Variants in MRPL43 observed in about 807,000 individuals in gnomAD.
MRPL43 encodes the protein large ribosomal subunit protein mL43.
In MRPL43, 9 loss-of-function variants were observed where a neutral mutation model predicts 12.7. That is an observed-to-expected ratio of 0.71 (90% CI 0.43 to 1.24). The LOEUF (loss-of-function observed/expected upper bound fraction) is 1.24, where lower values mean the gene tolerates loss of function less well. Ranked by LOEUF, MRPL43 falls within the 50% of genes most tolerant of loss-of-function variation. The probability of loss-of-function intolerance (pLI) is 0.00; values close to 1 mark genes in which losing one functional copy is unlikely to be tolerated. For synonymous variants in MRPL43, 116 were observed against 96.4 expected (o/e 1.20, Z -1.19); for missense variants, 211 against 229.2 (o/e 0.92, Z 0.51).
downstream of MRPL43, chr10:100,980,545 T>A (rs1325217375): frequency 6.4e-7 from 1 of 1,558,986 alleles, no homozygotes; most frequent in South Asian, 1.1e-5. Context: ...GATCCCATAG[T>A]TGGGGTCTAA....
At chr10:100,978,670 G>A, downstream of MRPL43, 1 of 1,596,050 alleles carries the variant, frequency 6.3e-7, no homozygotes, top group Non-Finnish European at 8.6e-7. Flanking sequence ...GGATGATGGG[G>A]GGTAGGGGAC....
chr10:100,987,041 G>A (rs1040472865), intron 2 of MRPL43, 49 bp downstream of exon 2: 22 of 1,608,320 alleles, frequency 1.4e-5, no homozygotes, highest in South Asian at 4.4e-5. Context: ...GGAGGATAGC[G>A]GGTCGAGCCC....
downstream of MRPL43, chr10:100,981,540 A>G (rs1851074995): frequency 1.9e-6 from 3 of 1,614,016 alleles, no homozygotes; most frequent in Non-Finnish European, 2.5e-6. Flanking sequence ...GACTGAACTG[A>G]TATCTGAAGA....
chr10:100,986,853 T>C lies in MRPL43; in HGVS notation c.361A>G (p.Thr121Ala), dbSNP rs1460394214. The C allele has an allele frequency of 6.2e-7, 1 of 1,613,626 alleles. No homozygotes were observed. Among genetic ancestry groups the C allele is most frequent in the East Asian group, 2.2e-5 (1 of 44,874 alleles). The change falls in exon 3 of 3, where the codon ACC becomes GCC. Residue 121 changes from threonine to alanine, a missense_variant. Physicochemically the swap from Thr to Ala is moderately conservative, Grantham distance 58. Coordinates refer to ENST00000318364, the MANE Select transcript of MRPL43 (RefSeq NM_032112.3). The part of the protein sequence containing the change: ...DVIRIRKPFH[T>A]DNPSIQGQWH... ...TGGCCCTGGATGCTAGGGTTGTCGG[T>C]GTGGAAGGGCTTGCGGATGCGGATC...
chr10:100,982,756 C>T (rs1285400778), downstream of MRPL43, among the ~76,000 whole-genome samples: 4 of 152,194 alleles, frequency 2.6e-5, no homozygotes, highest in South Asian at 6.2e-4. Flanking sequence ...CACGTCACTG[C>T]ACTCCAGCCT....
At chr10:100,979,971 G>A (rs1388071510), downstream of MRPL43, 6 of 1,613,988 alleles carry the variant, frequency 3.7e-6, no homozygotes, top group South Asian at 1.1e-5. Context: ...AGGGTGGGGT[G>A]CCTGAGCCCC....
chr10:100,981,694 G>A, downstream of MRPL43: 1 of 960,360 alleles, frequency 1.0e-6, no homozygotes. Context: ...TCCCCATGAG[G>A]GACCTCTCTG....
In MRPL43 at chr10:100,986,505, C is replaced by G. The variant is rs913803092; in HGVS notation, c.*229G>C. 2 of 1,550,734 alleles carry G rather than the reference C, an allele frequency of 1.3e-6. No homozygotes were observed. Among genetic ancestry groups the G allele is most frequent in the East Asian group, 4.9e-5 (2 of 40,934 alleles). On this transcript the variant is annotated 3_prime_UTR_variant, in exon 3 of 3. Transcript: ENST00000318364. ...AAAACCCTTGAAGTCTTCCTCATCT[C>G]AGGTTTTAGGGATGCCACTTGCATA...
At chr10:100,983,914 C>A (rs1334155427), downstream of MRPL43, 1 of 1,534,244 alleles carries the variant, frequency 6.5e-7, no homozygotes, top group South Asian at 1.2e-5. Context: ...GCCCCACCAC[C>A]CCCACCGCCC....
At chr10:100,981,300 G>A (rs539883629), downstream of MRPL43, 651 of 1,593,672 alleles carry the variant, frequency 4.1e-4, 4 homozygotes, top group South Asian at 1.2e-3. Flanking sequence ...CCATGTGTAC[G>A]TATATGTTTG....
chr10:100,979,147 T>C (rs1850935025), downstream of MRPL43: 1 of 1,614,220 alleles, frequency 6.2e-7, no homozygotes, highest in Non-Finnish European at 8.5e-7. Context: ...GTGGACTTCC[T>C]TCCTGAAAGC....
In MRPL43 at chr10:100,986,521, C is replaced by T. The variant is rs1459773407; in HGVS notation, c.*213G>A. 6.4e-7 allele frequency: 1 copy of T among 1,552,156 alleles called. No individual in the cohort carries two copies. Among genetic ancestry groups the T allele is most frequent in the East Asian group, 2.4e-5 (1 of 40,946 alleles). On this transcript the variant is annotated 3_prime_UTR_variant, in exon 3 of 3. Coordinates refer to ENST00000318364, the MANE Select transcript of MRPL43 (RefSeq NM_032112.3). ...TCCTCATCTCAGGTTTTAGGGATGC[C>T]ACTTGCATAAAAATGAGTGGTTCAC... is the stretch of plus-strand genomic sequence containing the variant.
At chr10:100,986,246 T>C (rs112703323), downstream of MRPL43, 1,721 of 1,234,674 alleles carry the variant, frequency 1.4e-3, 19 homozygotes, top group African/African-American at 0.024. Flanking sequence ...GCTTAACATA[T>C]GCACACATTT....
chr10:100,980,462 G>A, downstream of MRPL43: 5 of 1,342,902 alleles, frequency 3.7e-6, no homozygotes, highest in South Asian at 6.0e-5. Flanking sequence ...CACTGCTCCT[G>A]GCTGAGTCCT....
chr10:100,979,469 G>A (rs778017266), downstream of MRPL43: 43 of 1,391,582 alleles, frequency 3.1e-5, no homozygotes, highest in Non-Finnish European at 3.8e-5. Flanking sequence ...TGCAATCTCC[G>A]CCTCCCGGGT....
chr10:100,982,406 T>C (rs982917846), downstream of MRPL43, among the ~76,000 whole-genome samples: 1 of 152,216 alleles, frequency 6.6e-6, no homozygotes, highest in Non-Finnish European at 1.5e-5. Context: ...ATGGATTACA[T>C]GGGGCCAGAG....
chr10:100,983,188 A>G, downstream of MRPL43: 1 of 1,223,452 alleles, frequency 8.2e-7, no homozygotes, highest in Non-Finnish European at 1.1e-6. Flanking sequence ...GTCAGCTGTC[A>G]CTGTGATTCT....
downstream of MRPL43, chr10:100,980,264 A>G (rs143118773): frequency 1.5e-4 from 248 of 1,614,238 alleles, 3 homozygotes; most frequent in East Asian, 5.4e-3. Flanking sequence ...CTCAAGCGCA[A>G]CATACGCTAC....
At chr10:100,979,730 C>T, downstream of MRPL43, 1 of 1,133,406 alleles carries the variant, frequency 8.8e-7, no homozygotes, top group South Asian at 1.4e-5. Flanking sequence ...ACAGGAGAGG[C>T]CCTGTGGGAC....
Sources: allele counts gnomAD v4.1 joint callset (sites outside exome capture counted in the v4.1 genomes callset), GRCh38; gene constraint gnomAD v4.1.1; transcripts MANE v1.5; gene names NCBI Gene and HGNC (gene_info 2026-07-23, HGNC 2026-07-21).